ZMYND11: variants seen among roughly 807,000 people sequenced by gnomAD.
ZMYND11 encodes the protein zinc finger MYND-type containing 11, also known as zinc finger MYND domain-containing protein 11.
A neutral mutation model predicts 84.9 loss-of-function variants in ZMYND11; 9 were observed. The observed-to-expected ratio is 0.11, with a 90% CI of 0.06 to 0.18. The LOEUF (loss-of-function observed/expected upper bound fraction) is 0.18, where lower values mean the gene tolerates loss of function less well. Among genes scored for constraint, ZMYND11 ranks in the 10% least tolerant of loss-of-function variants. The probability of loss-of-function intolerance (pLI) is 1.00; values close to 1 mark genes in which losing one functional copy is unlikely to be tolerated. For synonymous variants in ZMYND11, 250 were observed against 244.1 expected (o/e 1.02, Z -0.23); for missense variants, 409 against 761.0 (o/e 0.54, Z 5.44).
intron 3 of ZMYND11, among the ~76,000 whole-genome samples, chr10:217,533 T>G (rs771458046): frequency 4.0e-5 from 6 of 151,252 alleles, no homozygotes; most frequent in Non-Finnish European, 7.4e-5. Context: ...AAAAAAAAAT[T>G]GTTGTGAAAT....
intron 14 of ZMYND11, chr10:249,844 TGAAA>T (rs1952993132): frequency 1.1e-6 from 1 of 874,144 alleles, no homozygotes; most frequent in African/African-American, 1.8e-5. Flanking sequence ...AAGCTTTTCA[TGAAA>T]GAAATATTTT....
chr10:222,718 G>A (rs1472299040), intron 4 of ZMYND11, among the ~76,000 whole-genome samples: 2 of 151,200 alleles, frequency 1.3e-5, no homozygotes, highest in Admixed American at 1.3e-4. Flanking sequence ...AAAAAAAAAA[G>A]AGGCAATGTT....
intron 1 of ZMYND11, among the ~76,000 whole-genome samples, chr10:141,036 AC>A (rs1837383634): frequency 6.6e-6 from 1 of 152,232 alleles, no homozygotes; most frequent in South Asian, 2.1e-4. Context: ...ATGTTTACAG[AC>A]CACATTAGCT....
At chr10:212,919 A>T (rs1435427534) in intron 3 of ZMYND11, among the ~76,000 whole-genome samples, 1 of 152,200 alleles carries the variant, frequency 6.6e-6, no homozygotes. Context: ...CTCTAAAATA[A>T]TGAGACAAAT....
upstream of ZMYND11, among the ~76,000 whole-genome samples, chr10:130,573 A>G (rs565320893): frequency 7.9e-5 from 12 of 152,336 alleles, no homozygotes; most frequent in African/African-American, 2.6e-4. Flanking sequence ...AATGACCACT[A>G]TGAAATCGTA....
At chr10:204,977 G>A (rs1035088660) in intron 2 of ZMYND11, among the ~76,000 whole-genome samples, 2 of 151,748 alleles carry the variant, frequency 1.3e-5, no homozygotes, top group Admixed American at 6.6e-5. Flanking sequence ...ATGCTGTTTT[G>A]TGGGGTTTTC....
intron 2 of ZMYND11, among the ~76,000 whole-genome samples, chr10:181,599 A>G (rs955855683): frequency 2.6e-5 from 4 of 152,178 alleles, no homozygotes; most frequent in African/African-American, 9.7e-5. Context: ...AACCTGGGTA[A>G]CAGTGAGACC....
chr10:232,991 C>T (rs1009481490), intron 4 of ZMYND11, among the ~76,000 whole-genome samples: 1 of 152,198 alleles, frequency 6.6e-6, no homozygotes, highest in African/African-American at 2.4e-5. Flanking sequence ...CACTTTACAT[C>T]TTGTCAGAAC....
chr10:179,834 A>G (rs1470382986), intron 1 of ZMYND11, among the ~76,000 whole-genome samples, 160 bp from the exon 2 acceptor site: 1 of 152,194 alleles, frequency 6.6e-6, no homozygotes, highest in Non-Finnish European at 1.5e-5. Flanking sequence ...CTTTATATGA[A>G]GTAACTGGTG....
intron 2 of ZMYND11, among the ~76,000 whole-genome samples, chr10:187,470 T>G (rs1938975752): frequency 6.6e-6 from 1 of 151,208 alleles, no homozygotes; most frequent in Non-Finnish European, 1.5e-5. Flanking sequence ...CCGTCTCTAC[T>G]AAAAATACAA....
chr10:160,978 T>G (rs1184479968), intron 1 of ZMYND11, among the ~76,000 whole-genome samples: 2 of 56,798 alleles, frequency 3.5e-5, no homozygotes, highest in Non-Finnish European at 7.6e-5. Flanking sequence ...TTTTTTTTTT[T>G]TGAGACAGGG....
At chr10:249,953 T>C (rs1953020601) in intron 14 of ZMYND11, among the ~76,000 whole-genome samples, 1 of 152,082 alleles carries the variant, frequency 6.6e-6, no homozygotes, top group Admixed American at 6.5e-5. Flanking sequence ...ACAAAATAAA[T>C]ATTGTTAACA....
intron 4 of ZMYND11, among the ~76,000 whole-genome samples, chr10:229,133 C>A (rs567469555): frequency 6.6e-6 from 1 of 152,262 alleles, no homozygotes; most frequent in African/African-American, 2.4e-5. Context: ...AATTTGTTAT[C>A]TTCCTTTAGA....
At chr10:145,704 A>G (rs932816150) in intron 1 of ZMYND11, among the ~76,000 whole-genome samples, 39 of 152,120 alleles carry the variant, frequency 2.6e-4, no homozygotes, top group African/African-American at 9.4e-4. Context: ...TTCTTTGAGA[A>G]GTGTCTATTC....
In ZMYND11 at chr10:167,354, G is replaced by C. The variant is rs1292080459; in HGVS notation, c.-19-12640G>C. Among the ~76,000 whole-genome samples the C allele has an allele frequency of 4.6e-5, 7 of 151,934 alleles. No individual in the cohort carries two copies. In the East Asian group the frequency reaches 1.3e-3, roughly 29 times the overall value. The stretch of plus-strand genomic sequence containing the variant: ...TGTATGTGAATTATACCTCAATAAA[G>C]CTTTTCAAAAAATAAACAGGGTAAC... On this transcript the variant is annotated intron_variant, in intron 1 of 14. Transcript: ENST00000381604.
At position 192,646 on chromosome 10, in the gene ZMYND11, A is replaced by T. The variant is rs951981552; in HGVS notation, c.116+12518A>T. Among the ~76,000 whole-genome samples, 5 of 152,322 alleles carry T rather than the reference A, an allele frequency of 3.3e-5. No individual in the cohort carries two copies. In the East Asian group the frequency reaches 9.6e-4, roughly 29 times the overall value. On this transcript the variant is annotated intron_variant, in intron 2 of 14. Transcript: ENST00000381604. ...AGGTGCCTAATCTGACTGAGCTCTC[A>T]AGAAGGGCCACCTCCGTCTTCGTGC...
At chr10:158,426 T>A (rs892271457) in intron 1 of ZMYND11, among the ~76,000 whole-genome samples, 7 of 151,222 alleles carry the variant, frequency 4.6e-5, no homozygotes, top group African/African-American at 1.7e-4. Flanking sequence ...TTTTTTTTTT[T>A]TTTTTATTTT....
intron 1 of ZMYND11, among the ~76,000 whole-genome samples, chr10:165,572 G>C (rs1843813886): frequency 6.6e-6 from 1 of 152,030 alleles, no homozygotes; most frequent in Non-Finnish European, 1.5e-5. Flanking sequence ...TGCAAACTTA[G>C]TCTCCATCCC....
chr10:237,728 A>G (rs751452180), intron 6 of ZMYND11, 51 bp downstream of exon 6: 9 of 1,401,278 alleles, frequency 6.4e-6, no homozygotes, highest in Non-Finnish European at 8.9e-6. Context: ...CTTAACTAAC[A>G]AGTTAAAGAA....
Sources: gnomAD v4.1 joint callset for allele counts (sites outside exome capture counted in the v4.1 genomes callset) on GRCh38, gnomAD v4.1.1 for gene constraint, MANE v1.5 for transcripts, NCBI Gene and HGNC (gene_info 2026-07-23, HGNC 2026-07-21) for gene names.